MAP7: variants seen among roughly 807,000 people sequenced by gnomAD.
MAP7 encodes the protein microtubule associated protein 7, also known as ensconsin.
Under a neutral mutation model 94.8 loss-of-function variants are expected in MAP7, and 52 were observed. The observed-to-expected ratio is 0.55, with a 90% CI of 0.44 to 0.69. MAP7 has a LOEUF of 0.69. MAP7 is among the 30% of genes least tolerant of loss of function. The pLI is 0.00. For synonymous variants in MAP7, 350 were observed against 357.0 expected (o/e 0.98, Z 0.22); for missense variants, 940 against 964.6 (o/e 0.97, Z 0.34).
At chr6:136,478,373 A>C (rs1330134216) in intron 1 of MAP7, among the ~76,000 whole-genome samples, 1 of 152,268 alleles carries the variant, frequency 6.6e-6, no homozygotes, top group East Asian at 1.9e-4. Flanking sequence ...GCTTGAGGCC[A>C]GGAGTTCAAG....
At chr6:136,369,589 T>C (rs1028601044) in intron 8 of MAP7, among the ~76,000 whole-genome samples, 4 of 150,040 alleles carry the variant, frequency 2.7e-5, no homozygotes, top group Non-Finnish European at 5.9e-5. Context: ...AAAAGATATA[T>C]AGACCAATGG....
At chr6:136,526,154 C>T (rs1354655769) in intron 1 of MAP7, 2 of 1,310,058 alleles carry the variant, frequency 1.5e-6, no homozygotes, top group South Asian at 4.1e-5. Context: ...CAACTGAGGC[C>T]CTGCAGTTCC....
intron 1 of MAP7, among the ~76,000 whole-genome samples, chr6:136,548,223 A>G (rs1473120839): frequency 1.3e-5 from 2 of 152,008 alleles, no homozygotes; most frequent in Non-Finnish European, 2.9e-5. Context: ...TTAAAGTCTC[A>G]TATTCAGATA....
intron 1 of MAP7, among the ~76,000 whole-genome samples, chr6:136,482,648 C>A (rs1402168314): frequency 6.6e-6 from 1 of 151,400 alleles, no homozygotes; most frequent in Non-Finnish European, 1.5e-5. Flanking sequence ...CAGCACTATT[C>A]ATAATAGCAA....
At chr6:136,506,007 A>G (rs1562471614) in intron 1 of MAP7, among the ~76,000 whole-genome samples, 1 of 152,178 alleles carries the variant, frequency 6.6e-6, no homozygotes, top group Admixed American at 6.5e-5. Context: ...AAGATTTAAT[A>G]ATGTATTTAA....
At chr6:136,356,193 G>T (rs1158202306) in intron 16 of MAP7, among the ~76,000 whole-genome samples, 2 of 152,100 alleles carry the variant, frequency 1.3e-5, no homozygotes, top group Non-Finnish European at 1.5e-5. Flanking sequence ...TTGAGACAGG[G>T]TCTCACTCTG....
chr6:136,395,530 T>C (rs1394734176), intron 3 of MAP7, among the ~76,000 whole-genome samples: 1 of 152,024 alleles, frequency 6.6e-6, no homozygotes, highest in Non-Finnish European at 1.5e-5. Flanking sequence ...TTCTGTTGTT[T>C]CCTTTGCTGT....
At chr6:136,470,168 C>T (rs980918351) in intron 1 of MAP7, among the ~76,000 whole-genome samples, 1 of 152,156 alleles carries the variant, frequency 6.6e-6, no homozygotes, top group African/African-American at 2.4e-5. Flanking sequence ...TGACACCTTG[C>T]TCTGCTTTGT....
intron 3 of MAP7, among the ~76,000 whole-genome samples, chr6:136,392,484 T>C (rs1781076898): frequency 6.6e-6 from 1 of 151,166 alleles, no homozygotes; most frequent in African/African-American, 2.4e-5. Flanking sequence ...TTAATGGCTA[T>C]ATAGTATTTT....
intron 16 of MAP7, among the ~76,000 whole-genome samples, chr6:136,352,962 T>G (rs1036641287): frequency 6.6e-6 from 1 of 152,188 alleles, no homozygotes; most frequent in African/African-American, 2.4e-5. Context: ...AATTCAAGGA[T>G]GACAAATTTC....
At chr6:136,436,370 T>C (rs1438711919) in intron 1 of MAP7, among the ~76,000 whole-genome samples, 2 of 151,494 alleles carry the variant, frequency 1.3e-5, no homozygotes, top group African/African-American at 4.9e-5. Context: ...TTTTAAATAT[T>C]CTAAAAGATG....
intron 1 of MAP7, among the ~76,000 whole-genome samples, chr6:136,521,783 A>G (rs1020069307): frequency 3.3e-5 from 5 of 152,212 alleles, no homozygotes; most frequent in Non-Finnish European, 7.3e-5. Context: ...TCAGCCAGAC[A>G]TTTGGGATGG....
intron 1 of MAP7, among the ~76,000 whole-genome samples, chr6:136,454,322 T>C (rs987830561): frequency 6.6e-6 from 1 of 151,148 alleles, no homozygotes; most frequent in African/African-American, 2.4e-5. Context: ...TATCTATCTA[T>C]CTGAGACAGG....
chr6:136,450,574 C>G (rs911850445), intron 1 of MAP7, among the ~76,000 whole-genome samples: 9 of 151,948 alleles, frequency 5.9e-5, no homozygotes, highest in Non-Finnish European at 8.8e-5. Context: ...CACCTGAGGT[C>G]GGGAGTTCGA....
intron 2 of MAP7, among the ~76,000 whole-genome samples, chr6:136,413,035 G>A (rs1176790317): frequency 6.6e-6 from 1 of 152,048 alleles, no homozygotes; most frequent in East Asian, 1.9e-4. Flanking sequence ...GGCAGCGTGC[G>A]CCTGTAGTCC....
intron 16 of MAP7, among the ~76,000 whole-genome samples, chr6:136,353,284 C>G (rs939121782): frequency 6.6e-6 from 1 of 152,152 alleles, no homozygotes; most frequent in Non-Finnish European, 1.5e-5. Context: ...TCAGGTAGCA[C>G]CAGCTTATTT....
chr6:136,457,949 A>AT (rs940028150), intron 1 of MAP7, among the ~76,000 whole-genome samples: 3 of 152,216 alleles, frequency 2.0e-5, no homozygotes, highest in Non-Finnish European at 4.4e-5. Flanking sequence ...TACCAGAGCA[A>AT]TTAGGCAAGA....
chr6:136,547,953 GTTAT>G (rs1197800936), intron 1 of MAP7, among the ~76,000 whole-genome samples: 2 of 152,064 alleles, frequency 1.3e-5, no homozygotes, highest in African/African-American at 4.8e-5. Flanking sequence ...AAAACTAAGA[GTTAT>G]TTAAGAGTGG....
At chr6:136,457,125 C>A in intron 1 of MAP7, among the ~76,000 whole-genome samples, 1 of 148,532 alleles carries the variant, frequency 6.7e-6, no homozygotes, top group Admixed American at 6.7e-5. Flanking sequence ...ATAACTGATG[C>A]CACAGAAATA....
Sources: allele counts gnomAD v4.1 joint callset (sites outside exome capture counted in the v4.1 genomes callset), GRCh38; gene constraint gnomAD v4.1.1; transcripts MANE v1.5; gene names NCBI Gene and HGNC (gene_info 2026-07-23, HGNC 2026-07-21).